Variants in TRNT1 observed in about 807,000 individuals in gnomAD.
TRNT1 encodes CCA tRNA nucleotidyltransferase 1, mitochondrial.
TRNT1 carries 44 observed loss-of-function variants against 45.6 expected under a neutral mutation model. The observed-to-expected ratio is 0.97, with a 90% CI of 0.76 to 1.24. The LOEUF is 1.24. Among genes scored for constraint, TRNT1 ranks in the 50% most tolerant of loss-of-function variants. TRNT1 has a pLI of 0.00. For missense variants in TRNT1, 633 were observed against 504.4 expected, an observed-to-expected ratio of 1.25 and a Z score of -2.44; for synonymous variants, 201 against 171.4, an observed-to-expected ratio of 1.17 and a Z score of -1.35.
chr3:3,132,740 A>AC lies in TRNT1; in HGVS notation c.148+3552_148+3553insC, dbSNP rs373161795. 3.1e-3 allele frequency among the ~76,000 whole-genome samples: 418 copies of AC among 134,286 alleles called. 5 individuals carry two copies. Among genetic ancestry groups the AC allele is most frequent in the South Asian group, 0.014 (49 of 3,486 alleles). The allele number at this position is 134,286 out of a possible 152,430, so 88.1% of individuals were successfully genotyped here. The stretch of plus-strand genomic sequence containing the variant: ...CATATACCTATTGAAGGAAAAAAAA[A>AC]AAAACACAAAAAAAAAACACTGGAT... On this transcript the variant is annotated intron_variant, in intron 2 of 7. Transcript: ENST00000251607.
At chr3:3,137,061 G>A (rs1022297244) in intron 2 of TRNT1, among the ~76,000 whole-genome samples, 199 bp from the exon 3 acceptor site, 7 of 152,150 alleles carry the variant, frequency 4.6e-5, no homozygotes, top group African/African-American at 1.7e-4. Context: ...TCTGTTTCCT[G>A]TTGGTCCTCA....
downstream of TRNT1, chr3:3,152,315 G>A (rs962425557): frequency 4.4e-6 from 4 of 917,996 alleles, no homozygotes; most frequent in African/African-American, 5.1e-5. Flanking sequence ...CCCATACCCG[G>A]CTAATTTTTG....
Position 3,148,143 on chromosome 3 carries a change from A to C in TRNT1, c.1294A>C (p.Lys432Gln). The C allele has an allele frequency of 6.2e-7, 1 of 1,613,172 alleles. No homozygotes were observed. Among genetic ancestry groups the C allele is most frequent in the Non-Finnish European group, 8.5e-7 (1 of 1,179,604 alleles). Residue 432 changes from lysine (K) to glutamine (Q), a missense_variant, in exon 8 of 8, where the codon AAG (lysine) becomes CAG (glutamine). Coordinates refer to ENST00000251607, the MANE Select transcript of TRNT1 (RefSeq NM_182916.3). ...MEKDELLSYI[K>Q]KT ...AAAAGATGAACTTCTGAGTTACATA[A>C]AGAAGACCTAAAACTGATGGCTACT... is the stretch of plus-strand genomic sequence containing the variant.
At position 3,147,507 on chromosome 3, in the gene TRNT1, G is replaced by GT; in HGVS notation, c.865dup (p.Ser289PhefsTer17). On this transcript the variant is annotated frameshift_variant, in exon 7 of 8. Coordinates refer to ENST00000251607, the MANE Select transcript of TRNT1 (RefSeq NM_182916.3). LOFTEE classifies it high-confidence loss of function. ...GACAAAGTCAGTAAAAATGTTGATG[G>GT]TTTTTCACCAAAGCCAGTGACTCTT... 1 of 1,613,834 alleles carries GT rather than the reference G, an allele frequency of 6.2e-7. No homozygotes were observed. The highest frequency in any genetic ancestry group is 8.5e-7 in the Non-Finnish European group (1 of 1,179,828).
At chr3:3,130,111 A>G (rs1173337833) in intron 2 of TRNT1, 2 of 731,850 alleles carry the variant, frequency 2.7e-6, no homozygotes, top group East Asian at 2.7e-5. Flanking sequence ...GCAGCCACAC[A>G]GTAGCATTAC....
In TRNT1 at chr3:3,148,189, T is replaced by TAAGA; in HGVS notation, c.*36_*39dup. 1 of 1,597,780 alleles carries TAAGA rather than the reference T, an allele frequency of 6.3e-7. No homozygotes were observed. Among genetic ancestry groups the TAAGA allele is most frequent in the Non-Finnish European group, 8.5e-7 (1 of 1,173,412 alleles). On this transcript the variant is annotated 3_prime_UTR_variant, in exon 8 of 8. Coordinates refer to ENST00000251607, the MANE Select transcript of TRNT1 (RefSeq NM_182916.3). ...CTACTAAAAAGCAGAGCATTTCTGG[T>TAAGA]AAGACTAAATTTTCTCCCCTCCCTC...
chr3:3,147,089 G>C (rs1249895036), intron 6 of TRNT1, among the ~76,000 whole-genome samples: 1 of 152,024 alleles, frequency 6.6e-6, no homozygotes, highest in Non-Finnish European at 1.5e-5. Context: ...GGTAAGCTTG[G>C]GCATATTTCA....
chr3:3,129,251 A>C (rs1400013104), intron 2 of TRNT1, 63 bp downstream of exon 2: 10 of 1,397,794 alleles, frequency 7.2e-6, no homozygotes, highest in African/African-American at 1.4e-5. Flanking sequence ...TAGAGGGTTA[A>C]CTTTTTAAGC....
chr3:3,134,180 A>G (rs949607294), intron 2 of TRNT1, among the ~76,000 whole-genome samples: 5 of 152,170 alleles, frequency 3.3e-5, no homozygotes, highest in African/African-American at 9.7e-5. Flanking sequence ...TAGCTCGCAA[A>G]GTCTTTTGAA....
intron 2 of TRNT1, among the ~76,000 whole-genome samples, chr3:3,133,175 G>A (rs2126010248): frequency 6.6e-6 from 1 of 152,178 alleles, no homozygotes; most frequent in South Asian, 2.1e-4. Flanking sequence ...GTGTATTATT[G>A]TCATATCATA....
chr3:3,141,423 G>A (rs1705645731), intron 4 of TRNT1, among the ~76,000 whole-genome samples: 1 of 152,080 alleles, frequency 6.6e-6, no homozygotes, highest in African/African-American at 2.4e-5. Context: ...CTGCTTCCCT[G>A]GCAAACAATG....
downstream of TRNT1, chr3:3,152,487 G>C: frequency 2.5e-6 from 4 of 1,613,566 alleles, no homozygotes; most frequent in Admixed American, 3.3e-5. Flanking sequence ...GTAGAAGGCC[G>C]GCCTATCAGA....
chr3:3,153,182 G>T (rs1254404720), downstream of TRNT1: 4 of 452,106 alleles, frequency 8.8e-6, no homozygotes, highest in South Asian at 2.3e-5. Flanking sequence ...AGGGGGAAAA[G>T]AATTTCTCAG....
intron 2 of TRNT1, among the ~76,000 whole-genome samples, chr3:3,133,374 T>C (rs1705131976): frequency 1.3e-5 from 2 of 151,946 alleles, no homozygotes; most frequent in African/African-American, 4.8e-5. Context: ...AGCAACATAG[T>C]GAAATCCCAT....
At chr3:3,135,538 G>T (rs1416824174) in intron 2 of TRNT1, among the ~76,000 whole-genome samples, 1 of 152,224 alleles carries the variant, frequency 6.6e-6, no homozygotes, top group Non-Finnish European at 1.5e-5. Flanking sequence ...TCCCCTTGGG[G>T]AGAGCTTGTG....
At chr3:3,130,093 T>A in intron 2 of TRNT1, 1 of 914,206 alleles carries the variant, frequency 1.1e-6, no homozygotes, top group Non-Finnish European at 1.6e-6. Flanking sequence ...TCTGCTGATG[T>A]TGCTAAAGCA....
At position 3,148,256 on chromosome 3, in the gene TRNT1, T is replaced by G; in HGVS notation, c.*102T>G. 7.8e-7 allele frequency: 1 copy of G among 1,289,760 alleles called. No homozygotes were observed. 79.9% of individuals were successfully genotyped at this position (1,289,760 alleles called of 1,614,324 possible). On this transcript the variant is annotated 3_prime_UTR_variant, in exon 8 of 8. Transcript: ENST00000251607. ...GACTACACCAGAATAAAAGACAGTT[T>G]AGGGGACCTCTGTAGAACAACAAGG...
intron 6 of TRNT1, among the ~76,000 whole-genome samples, 198 bp downstream of exon 6, chr3:3,146,821 T>C (rs961664403): frequency 6.6e-6 from 1 of 152,144 alleles, no homozygotes; most frequent in African/African-American, 2.4e-5. Context: ...GTGGTGCTTG[T>C]AGAGTAGTCT....
At chr3:3,140,672 A>G (rs1159892118) in intron 4 of TRNT1, 24 bp downstream of exon 4, 2 of 1,609,662 alleles carry the variant, frequency 1.2e-6, no homozygotes, top group Non-Finnish European at 1.7e-6. Flanking sequence ...ATAAAACCAT[A>G]TTGTGAGTCT....
Sources: gnomAD v4.1 joint callset for allele counts (sites outside exome capture counted in the v4.1 genomes callset) on GRCh38, gnomAD v4.1.1 for gene constraint, MANE v1.5 for transcripts, NCBI Gene and HGNC (gene_info 2026-07-23, HGNC 2026-07-21) for gene names.